PXYLP1: variants seen among roughly 807,000 people sequenced by gnomAD.
The protein encoded by PXYLP1 is 2-phosphoxylose phosphatase 1, also known as acid phosphatase-like 2.
Under a neutral mutation model 37.9 loss-of-function variants are expected in PXYLP1, and 17 were observed. That is an observed-to-expected ratio of 0.45 (90% CI 0.31 to 0.67). PXYLP1 has a LOEUF of 0.67. Among genes scored for constraint, PXYLP1 ranks in the 30% least tolerant of loss-of-function variants. PXYLP1 has a pLI of 0.07. For synonymous variants in PXYLP1, 221 were observed against 232.2 expected, an observed-to-expected ratio of 0.95 and a Z score of 0.44; for missense variants, 511 against 612.0, an observed-to-expected ratio of 0.84 and a Z score of 1.74.
At position 141,292,140 on chromosome 3, in the gene PXYLP1, T is replaced by C. The variant is rs1260033552; in HGVS notation, c.506-128T>C. On this transcript the variant is annotated intron_variant, in intron 5 of 5. Coordinates refer to ENST00000286353, the MANE Select transcript of PXYLP1 (RefSeq NM_001037172.3). The surrounding 1 kb of genome is among the most constrained non-coding windows in gnomAD (Gnocchi z 4.3). The stretch of plus-strand genomic sequence containing the variant: ...ACTCGAGCTTGTAACTTCCACACCA[T>C]GGGGAAACAGGCTGGATGCCATTCT... The C allele has an allele frequency of 3.4e-6, 3 of 872,694 alleles. No homozygotes were observed. Among genetic ancestry groups the C allele is most frequent in the African/African-American group, 3.4e-5 (2 of 59,376 alleles). The allele number at this position is 872,694 out of a possible 1,614,324, so 54.1% of individuals were successfully genotyped here.
intron 3 of PXYLP1, among the ~76,000 whole-genome samples, chr3:141,278,962 C>T (rs1413236594): frequency 1.3e-5 from 2 of 152,234 alleles, no homozygotes; most frequent in Non-Finnish European, 2.9e-5. Context: ...TGTATCAGAG[C>T]ATAGTGTTGA....
At chr3:141,244,336 A>G (rs1040165950) in intron 1 of PXYLP1, among the ~76,000 whole-genome samples, 3 of 151,574 alleles carry the variant, frequency 2.0e-5, no homozygotes, top group African/African-American at 7.3e-5. Flanking sequence ...TGACTTAACA[A>G]TATAACGTTT....
chr3:141,245,045 C>CTAT (rs371973489), intron 1 of PXYLP1, among the ~76,000 whole-genome samples: 2 of 106,164 alleles, frequency 1.9e-5, no homozygotes, highest in Non-Finnish European at 3.7e-5. Context: ...CACTAACTCC[C>CTAT]TTTTTTTTTT....
chr3:141,268,259 CA>C (rs1941580575), intron 2 of PXYLP1, among the ~76,000 whole-genome samples: 1 of 145,028 alleles, frequency 6.9e-6, no homozygotes, highest in Non-Finnish European at 1.5e-5. Flanking sequence ...TCAGCAAGAG[CA>C]AATACTATCA....
rs1212831365 is a variant in PXYLP1, at chr3:141,260,224, C to T, written c.49C>T (p.Leu17=). ...GCTGCTGCTGGCCCTGGCTGCGCTG[C>T]TGGCCTTTGTGAGCCTCAGCCTGCA... The part of the protein sequence containing the change: ...FLLLLALAAL[L]AFVSLSLQFF... The change falls in exon 2 of 6, where the codon CTG becomes TTG. Residue 17 remains leucine (L), a synonymous_variant. Transcript: ENST00000286353. The T allele has an allele frequency of 1.2e-6, 2 of 1,613,490 alleles. No individual in the cohort carries two copies. The highest frequency in any genetic ancestry group is 4.5e-5 in the East Asian group (2 of 44,890).
chr3:141,252,960 C>T (rs1022604944), intron 1 of PXYLP1, among the ~76,000 whole-genome samples: 28 of 152,140 alleles, frequency 1.8e-4, no homozygotes, highest in African/African-American at 6.0e-4. Flanking sequence ...GGCCTCTGGG[C>T]CTGTTCCTGT....
At chr3:141,280,453 G>T (rs1019766189) in intron 4 of PXYLP1, among the ~76,000 whole-genome samples, 1 of 152,208 alleles carries the variant, frequency 6.6e-6, no homozygotes, top group African/African-American at 2.4e-5. Context: ...CAGTTGGCCT[G>T]GCTGCCTCTG....
At chr3:141,272,226 C>T (rs78254796) in intron 2 of PXYLP1, among the ~76,000 whole-genome samples, 26 of 152,212 alleles carry the variant, frequency 1.7e-4, no homozygotes, top group Middle Eastern at 3.4e-3. Context: ...AGCAGATACT[C>T]GGTTATAACT....
chr3:141,263,050 A>G (rs1169340077), intron 2 of PXYLP1, among the ~76,000 whole-genome samples: 1 of 152,228 alleles, frequency 6.6e-6, no homozygotes, highest in African/African-American at 2.4e-5. Context: ...AAATGATCGT[A>G]TATCTTATTT....
intron 1 of PXYLP1, among the ~76,000 whole-genome samples, chr3:141,249,365 G>A (rs989036372): frequency 1.1e-4 from 17 of 151,230 alleles, no homozygotes; most frequent in African/African-American, 3.7e-4. Context: ...GCAAAATCCC[G>A]TTCCTATATA....
At position 141,293,328 on chromosome 3, in the gene PXYLP1, G is replaced by T; in HGVS notation, c.*123G>T. On this transcript the variant is annotated 3_prime_UTR_variant, in exon 6 of 6. Transcript: ENST00000286353. ...GCTTTTTAAAGGCTAAATATTGTTT[G>T]TGGGAACCACAGATGGTTGGGGTTG... 1.9e-6 allele frequency: 2 copies of T among 1,036,658 alleles called. No homozygotes were observed. Among genetic ancestry groups the T allele is most frequent in the Admixed American group, 2.9e-5 (1 of 34,768 alleles). 64.2% of individuals were successfully genotyped at this position (1,036,658 alleles called of 1,614,324 possible).
chr3:141,247,365 C>T (rs2107919266), intron 1 of PXYLP1, among the ~76,000 whole-genome samples: 1 of 152,330 alleles, frequency 6.6e-6, no homozygotes, highest in South Asian at 2.1e-4. Context: ...AGAAGACAGT[C>T]CTTCTTGGAA....
At chr3:141,284,228 C>A (rs1234814393) in intron 4 of PXYLP1, among the ~76,000 whole-genome samples, 3 of 152,060 alleles carry the variant, frequency 2.0e-5, no homozygotes, top group Non-Finnish European at 4.4e-5. Context: ...TCATTCAGGG[C>A]CCCAGGTTTC....
chr3:141,272,346 C>T (rs139679120), intron 2 of PXYLP1, among the ~76,000 whole-genome samples: 6 of 152,284 alleles, frequency 3.9e-5, no homozygotes, highest in African/African-American at 1.4e-4. Context: ...TATGATCTGA[C>T]TCTGACCCTG....
chr3:141,255,014 C>T (rs1002472365), intron 1 of PXYLP1, among the ~76,000 whole-genome samples: 1 of 152,206 alleles, frequency 6.6e-6, no homozygotes, highest in African/African-American at 2.4e-5. Flanking sequence ...CTGGAACTCT[C>T]TGGTGGTAGA....
At chr3:141,248,526 C>A (rs1458886572) in intron 1 of PXYLP1, among the ~76,000 whole-genome samples, 2 of 144,736 alleles carry the variant, frequency 1.4e-5, no homozygotes, top group African/African-American at 5.3e-5. Context: ...CACACACACA[C>A]GTATATATAT....
chr3:141,278,445 T>C lies in PXYLP1; in HGVS notation c.183T>C (p.Val61=), dbSNP rs1189021344. Residue 61 remains valine, a synonymous_variant, in exon 3 of 6, where the codon GTT becomes GTC. Transcript: ENST00000286353. ...CGGAGCCCCCTGTGACAGACCCCGTTTATGAAGCTCTTTTGTACTGCAACA... is the reference window on the plus strand; with the variant it reads ...CGGAGCCCCCTGTGACAGACCCCGTCTATGAAGCTCTTTTGTACTGCAACA... The part of the protein sequence containing the change: ...PVTEPPVTDP[V]YEALLYCNIP... The C allele has an allele frequency of 6.2e-7, 1 of 1,614,152 alleles. No individual in the cohort carries two copies. The highest frequency in any genetic ancestry group is 1.7e-5 in the Admixed American group (1 of 60,022).
At position 141,293,218 on chromosome 3, in the gene PXYLP1, A is replaced by T. The variant is rs774034140; in HGVS notation, c.*13A>T. 1 of 1,605,322 alleles carries T rather than the reference A, an allele frequency of 6.2e-7. No homozygotes were observed. The highest frequency in any genetic ancestry group is 2.2e-5 in the East Asian group (1 of 44,878). On this transcript the variant is annotated 3_prime_UTR_variant, in exon 6 of 6. Transcript: ENST00000286353. ...GGAAGGATTCTAAAAGGTATGCAGTACAGCAGTATAGAATCCATGCCAATA... is the reference window on the plus strand; with the variant it reads ...GGAAGGATTCTAAAAGGTATGCAGTTCAGCAGTATAGAATCCATGCCAATA...
At chr3:141,268,048 C>T (rs571925727) in intron 2 of PXYLP1, among the ~76,000 whole-genome samples, 35 of 152,250 alleles carry the variant, frequency 2.3e-4, no homozygotes, top group African/African-American at 8.4e-4. Flanking sequence ...AGGCAACCAA[C>T]GTGTACAACA....
Sources: gnomAD v4.1 joint callset for allele counts (sites outside exome capture counted in the v4.1 genomes callset) on GRCh38, gnomAD v4.1.1 for gene constraint, Gnocchi (gnomAD v3.1) non-coding constraint, MANE v1.5 for transcripts, NCBI Gene and HGNC (gene_info 2026-07-23, HGNC 2026-07-21) for gene names.